FMN2: variants seen among roughly 807,000 people sequenced by gnomAD.
The protein encoded by FMN2 is formin-2.
FMN2 carries 51 observed loss-of-function variants against 142.3 expected under a neutral mutation model. The ratio of observed to expected loss-of-function variants is 0.36; its 90% CI spans 0.29 to 0.45. FMN2 has a LOEUF of 0.45. Among genes scored for constraint, FMN2 ranks in the 20% least tolerant of loss-of-function variants. The pLI is 1.00. For synonymous variants in FMN2, 882 were observed against 869.8 expected, an observed-to-expected ratio of 1.01 and a Z score of -0.25; for missense variants, 1,936 against 2,122.8, an observed-to-expected ratio of 0.91 and a Z score of 1.73.
chr1:240,293,319 C>G (rs1365611759), intron 7 of FMN2, among the ~76,000 whole-genome samples: 1 of 151,966 alleles, frequency 6.6e-6, no homozygotes, highest in Non-Finnish European at 1.5e-5. Flanking sequence ...CCAAGTTGAC[C>G]CCTTGCATTT....
intron 15 of FMN2, chr1:240,400,588 G>A (rs562711099): frequency 4.6e-5 from 7 of 152,134 alleles, no homozygotes; most frequent in Admixed American, 3.9e-4. Flanking sequence ...TCAGGCCTTT[G>A]AGGGAATGGT....
chr1:240,417,097 T>C (rs12075806), intron 15 of FMN2, among the ~76,000 whole-genome samples: 2,027 of 149,242 alleles, frequency 0.014, 53 homozygotes, highest in African/African-American at 0.048. Flanking sequence ...GCTTTGCTGG[T>C]AATTATTTTC....
intron 8 of FMN2, among the ~76,000 whole-genome samples, chr1:240,320,013 C>T (rs573718363): frequency 1.3e-5 from 2 of 152,180 alleles, no homozygotes; most frequent in East Asian, 1.9e-4. Context: ...GTGAAATCTG[C>T]GATGACATCT....
chr1:240,335,289 C>CTTT, intron 13 of FMN2, among the ~76,000 whole-genome samples: 1 of 152,244 alleles, frequency 6.6e-6, no homozygotes, highest in African/African-American at 2.4e-5. Context: ...CCTGTTGGAG[C>CTTT]CTTACAAGTT....
At chr1:240,435,065 G>A (rs758965086) in intron 15 of FMN2, among the ~76,000 whole-genome samples, 2 of 152,002 alleles carry the variant, frequency 1.3e-5, no homozygotes, top group African/African-American at 2.4e-5. Context: ...GTTCACATTT[G>A]ACTTTAAATC....
At chr1:240,244,793 A>T (rs1668024983) in intron 6 of FMN2, among the ~76,000 whole-genome samples, 1 of 152,182 alleles carries the variant, frequency 6.6e-6, no homozygotes, top group Admixed American at 6.5e-5. Context: ...AGGATCCTTT[A>T]TTTAAGAAGG....
chr1:240,242,417 T>A (rs1429751393), intron 6 of FMN2, among the ~76,000 whole-genome samples: 2 of 152,172 alleles, frequency 1.3e-5, no homozygotes, highest in African/African-American at 4.8e-5. Flanking sequence ...TTTGAAATTC[T>A]CGCTTCTAGT....
chr1:240,382,486 C>G (rs193293072), intron 14 of FMN2, among the ~76,000 whole-genome samples: 36 of 152,132 alleles, frequency 2.4e-4, no homozygotes, highest in African/African-American at 8.4e-4. Context: ...CATGGTGAAA[C>G]CCCACCTCTA....
chr1:240,341,392 A>G (rs577057811), intron 13 of FMN2: 1 of 152,294 alleles, frequency 6.6e-6, no homozygotes, highest in African/African-American at 2.4e-5. Flanking sequence ...GATGATTTTT[A>G]TAAAGGTGTC....
At chr1:240,366,640 C>T (rs1223726632) in intron 14 of FMN2, among the ~76,000 whole-genome samples, 3 of 151,488 alleles carry the variant, frequency 2.0e-5, no homozygotes, top group South Asian at 2.1e-4. Context: ...CTGTTTAAAG[C>T]GATTCCTCTG....
intron 16 of FMN2, among the ~76,000 whole-genome samples, chr1:240,453,452 A>G (rs1232025041): frequency 1.3e-5 from 2 of 152,190 alleles, no homozygotes; most frequent in Non-Finnish European, 2.9e-5. Flanking sequence ...GAGGCTGTTA[A>G]TTATATTAAG....
At chr1:240,388,877 A>AG (rs1245822995) in intron 14 of FMN2, among the ~76,000 whole-genome samples, 4,064 of 135,712 alleles carry the variant, frequency 0.03, 120 homozygotes, top group African/African-American at 0.058. Flanking sequence ...AAAAAAAAAA[A>AG]GGGGGGGGGT....
chr1:240,127,331 C>G (rs1451916172), intron 2 of FMN2, among the ~76,000 whole-genome samples: 1 of 151,168 alleles, frequency 6.6e-6, no homozygotes, highest in African/African-American at 2.4e-5. Context: ...GTCGGCCTCT[C>G]AAAGTGCTAG....
chr1:240,245,474 T>C (rs1165339256), intron 6 of FMN2: 6 of 468,554 alleles, frequency 1.3e-5, no homozygotes, highest in African/African-American at 1.2e-4. Context: ...CAGAGGAAGT[T>C]AGTCAAAGGT....
At chr1:240,300,503 C>A (rs1032099483) in intron 8 of FMN2, among the ~76,000 whole-genome samples, 2 of 152,166 alleles carry the variant, frequency 1.3e-5, no homozygotes, top group Non-Finnish European at 2.9e-5. Context: ...CTATGACAAT[C>A]TTTGTACCCC....
At chr1:240,434,955 G>A (rs903907138) in intron 15 of FMN2, among the ~76,000 whole-genome samples, 7 of 151,720 alleles carry the variant, frequency 4.6e-5, no homozygotes, top group South Asian at 2.1e-4. Flanking sequence ...GACACTCTAC[G>A]TCACATACTC....
chr1:240,242,956 A>G (rs1244731643), intron 6 of FMN2, among the ~76,000 whole-genome samples: 1 of 152,152 alleles, frequency 6.6e-6, no homozygotes, highest in African/African-American at 2.4e-5. Flanking sequence ...TAGTCTGGAG[A>G]TACCACTTGT....
chr1:240,306,609 G>A (rs982391676), intron 8 of FMN2, among the ~76,000 whole-genome samples: 11 of 152,140 alleles, frequency 7.2e-5, no homozygotes, highest in Admixed American at 1.3e-4. Context: ...GTAGCATTCC[G>A]TGGGGTATAT....
chr1:240,130,714 A>G (rs370766329), intron 2 of FMN2, among the ~76,000 whole-genome samples: 3 of 152,316 alleles, frequency 2.0e-5, no homozygotes, highest in Admixed American at 6.5e-5. Context: ...CCAGCACAAC[A>G]AAGTTTTCGA....
Sources: gnomAD v4.1 joint callset for allele counts (sites outside exome capture counted in the v4.1 genomes callset) on GRCh38, gnomAD v4.1.1 for gene constraint, MANE v1.5 for transcripts, NCBI Gene and HGNC (gene_info 2026-07-23, HGNC 2026-07-21) for gene names.